CCDC194: variants seen among roughly 807,000 people sequenced by gnomAD.
The protein encoded by CCDC194 is coiled-coil domain-containing protein 194.
In CCDC194, 8 loss-of-function variants were observed where a neutral mutation model predicts 4.9. That is an observed-to-expected ratio of 1.65 (90% CI 0.97 to 2.97). CCDC194 has a LOEUF of 2.97. Among genes scored for constraint, CCDC194 ranks in the 30% most tolerant of loss-of-function variants. CCDC194 has a pLI of 0.00. For synonymous variants in CCDC194, 13 were observed against 17.0 expected, an observed-to-expected ratio of 0.76 and a Z score of 0.58; for missense variants, 52 against 43.1, an observed-to-expected ratio of 1.21 and a Z score of -0.58.
downstream of CCDC194, among the ~76,000 whole-genome samples, chr19:17,389,944 G>A (rs924518211): frequency 5.3e-5 from 8 of 152,158 alleles, no homozygotes; most frequent in African/African-American, 1.4e-4. Context: ...CAGCCTGGGC[G>A]ACAACAGCAA....
chr19:17,389,482 A>G (rs559465915), downstream of CCDC194, among the ~76,000 whole-genome samples: 6 of 151,884 alleles, frequency 4.0e-5, no homozygotes, highest in Admixed American at 1.3e-4. Context: ...GTGTAATTGC[A>G]TTGGCTTGTA....
chr19:17,387,500 C>G (rs943246133), downstream of CCDC194, among the ~76,000 whole-genome samples: 1 of 152,022 alleles, frequency 6.6e-6, no homozygotes, highest in African/African-American at 2.4e-5. Flanking sequence ...GGTGGATCAC[C>G]CGAGGTTAGC....
intron 1 of CCDC194, 90 bp downstream of exon 1, chr19:17,393,745 C>G (rs927560293): frequency 2.1e-4 from 83 of 390,904 alleles, no homozygotes; most frequent in African/African-American, 1.6e-3. Context: ...AACCGAGGCA[C>G]AGGGAGGGAA....
chr19:17,391,835 C>T (rs1472673203), exon 2 of CCDC194: 1 of 1,531,418 alleles, frequency 6.5e-7, no homozygotes, highest in South Asian at 1.2e-5. Flanking sequence ...TTAGTTGGGT[C>T]TGAAGCCGGC....
chr19:17,388,404 TTTTC>T (rs974683598), downstream of CCDC194, among the ~76,000 whole-genome samples: 6 of 151,634 alleles, frequency 4.0e-5, no homozygotes, highest in Admixed American at 1.3e-4. Flanking sequence ...TGTCTTTCTT[TTTTC>T]TTTCTTTCTC....
chr19:17,393,915 C>T (rs2074664356), exon 1 of CCDC194: 2 of 397,192 alleles, frequency 5.0e-6, no homozygotes, highest in Non-Finnish European at 8.9e-6. Flanking sequence ...CTGGCTAGGG[C>T]CTCCTCCCGC....
downstream of CCDC194, among the ~76,000 whole-genome samples, chr19:17,390,345 A>G (rs896056642): frequency 2.6e-5 from 4 of 152,124 alleles, no homozygotes; most frequent in African/African-American, 9.6e-5. This position sits in a 1 kb window ranked among gnomAD's most constrained non-coding sequence, Gnocchi z 5.5. Context: ...ATGGTGGGGG[A>G]GAGAGGGCTG....
intron 2 of CCDC194, 137 bp downstream of exon 2, chr19:17,391,613 G>A: frequency 4.6e-6 from 7 of 1,523,928 alleles, no homozygotes; most frequent in Non-Finnish European, 6.1e-6. Context: ...CATGTTGTTT[G>A]CATTCTTTTC....
chr19:17,393,804 C>A, intron 1 of CCDC194, 31 bp downstream of exon 1: 1 of 395,164 alleles, frequency 2.5e-6, no homozygotes, highest in South Asian at 1.3e-4. Context: ...ATTCTGGATT[C>A]CCGAGCTCCC....
exon 3 of CCDC194, chr19:17,391,255 C>A: frequency 2.5e-6 from 1 of 407,958 alleles, no homozygotes; most frequent in Non-Finnish European, 4.3e-6. Flanking sequence ...AGGCTTCGCC[C>A]TCGGCCTCCG....
downstream of CCDC194, chr19:17,390,366 C>T: frequency 7.9e-6 from 3 of 382,030 alleles, no homozygotes; most frequent in Non-Finnish European, 1.4e-5. This position sits in a 1 kb window ranked among gnomAD's most constrained non-coding sequence, Gnocchi z 5.5. Context: ...AGGCACCTTT[C>T]TGTGCAGTTT....
intron 2 of CCDC194, 55 bp from the exon 3 acceptor site, chr19:17,391,398 C>T (rs1411485800): frequency 2.0e-6 from 1 of 495,128 alleles, no homozygotes; most frequent in East Asian, 3.5e-5. Flanking sequence ...ACCCGCCCCA[C>T]GCACGCCGGA....
chr19:17,387,730 A>AAAAG (rs955426992), downstream of CCDC194, among the ~76,000 whole-genome samples: 13 of 152,176 alleles, frequency 8.5e-5, no homozygotes, highest in East Asian at 5.8e-4. Flanking sequence ...AAAAGAAAAA[A>AAAAG]AAAGAAAGAA....
chr19:17,391,937 C>T, intron 1 of CCDC194, 91 bp from the exon 2 acceptor site: 2 of 1,179,546 alleles, frequency 1.7e-6, no homozygotes, highest in Non-Finnish European at 2.3e-6. Context: ...GAGAAGCCAC[C>T]TGCGACCCTG....
At chr19:17,389,636 C>T (rs1248746527), downstream of CCDC194, among the ~76,000 whole-genome samples, 3 of 152,164 alleles carry the variant, frequency 2.0e-5, no homozygotes, top group Admixed American at 6.6e-5. Context: ...AACCATTGCT[C>T]TGTCTCAGGC....
chr19:17,391,927 G>A, intron 1 of CCDC194, 81 bp from the exon 2 acceptor site: 1 of 1,302,688 alleles, frequency 7.7e-7, no homozygotes, highest in Non-Finnish European at 1.0e-6. Context: ...TGGGGACAGT[G>A]AGAAGCCACC....
At chr19:17,391,239 C>T (rs950250240) in exon 3 of CCDC194, 3 of 401,624 alleles carry the variant, frequency 7.5e-6, no homozygotes, top group East Asian at 3.6e-5. Context: ...GCCTCCCGGG[C>T]CGCACAGGCT....
At chr19:17,394,095 C>T (rs1236119913) in exon 1 of CCDC194, 3 of 391,988 alleles carry the variant, frequency 7.7e-6, no homozygotes, top group African/African-American at 2.1e-5. Context: ...GCCAGGAACA[C>T]GGCCACCCCG....
chr19:17,391,301 C>T (rs1190823895), exon 3 of CCDC194: 2 of 424,488 alleles, frequency 4.7e-6, no homozygotes, highest in Non-Finnish European at 8.2e-6. Context: ...GTCCAGCCGC[C>T]GCGTAGACTC....
Sources: allele counts gnomAD v4.1 joint callset (sites outside exome capture counted in the v4.1 genomes callset), GRCh38; gene constraint gnomAD v4.1.1; non-coding constraint Gnocchi (gnomAD v3.1); transcripts MANE v1.5; gene names NCBI Gene and HGNC (gene_info 2026-07-23, HGNC 2026-07-21).